The following FBXL4 variants were observed in gnomAD, a reference collection of about 807,000 sequenced individuals.
The protein encoded by FBXL4 is F-box/LRR-repeat protein 4.
Under a neutral mutation model 58.9 loss-of-function variants are expected in FBXL4, and 40 were observed. That is an observed-to-expected ratio of 0.68 (90% confidence interval 0.53 to 0.88). The LOEUF (loss-of-function observed/expected upper bound fraction) is 0.88, where lower values mean the gene tolerates loss of function less well. Ranked by LOEUF, FBXL4 falls within the 40% of genes least tolerant of loss-of-function variation. The pLI is 0.00. For synonymous variants in FBXL4, 263 were observed against 265.5 expected, an observed-to-expected ratio of 0.99 and a Z score of 0.09; for missense variants, 676 against 734.4, an observed-to-expected ratio of 0.92 and a Z score of 0.92.
intron 1 of FBXL4, among the ~76,000 whole-genome samples, chr6:98,938,264 T>C (rs112914138): frequency 2.6e-5 from 4 of 152,258 alleles, no homozygotes; most frequent in Admixed American, 6.5e-5. Context: ...TTCTCATCCA[T>C]AGAGTTCACA....
intron 1 of FBXL4, among the ~76,000 whole-genome samples, chr6:98,936,156 G>A (rs890713830): frequency 6.6e-6 from 1 of 152,150 alleles, no homozygotes; most frequent in Non-Finnish European, 1.5e-5. Flanking sequence ...AATTAAAATG[G>A]TGTAATACTG....
At chr6:98,945,711 A>G (rs1020538061) in intron 1 of FBXL4, among the ~76,000 whole-genome samples, 11 of 152,160 alleles carry the variant, frequency 7.2e-5, no homozygotes, top group African/African-American at 1.2e-4. Flanking sequence ...ACAGCCATTT[A>G]TCTCTTAGAT....
Position 98,913,117 on chromosome 6 carries a change from G to A in FBXL4, c.858+4257C>T, listed in dbSNP as rs1246964248. Among the ~76,000 whole-genome samples, 3 of 152,208 alleles carry A rather than the reference G, an allele frequency of 2.0e-5. No individual in the cohort carries two copies. The East Asian group carries it at 5.8e-4, about 29-fold the overall frequency. ...AATGGTAAAGGGATCAATTCAACAA[G>A]AAGAGCTAACTGTCCTAAATATATA... is the stretch of plus-strand genomic sequence containing the variant. On this transcript the variant is annotated intron_variant, in intron 5 of 9. Coordinates refer to ENST00000369244, the MANE Select transcript of FBXL4 (RefSeq NM_001278716.2).
At position 98,890,746 on chromosome 6, in the gene FBXL4, C is replaced by G. The variant is rs146669919; in HGVS notation, c.1317+8522G>C. Among the ~76,000 whole-genome samples the G allele has an allele frequency of 3.0e-3, 453 of 152,118 alleles. 1 individual carries two copies. Among genetic ancestry groups the G allele is most frequent in the African/African-American group, 0.01 (433 of 41,512 alleles). ...CCAGCCTGGCAAATATGGTGAAACC[C>G]TATCCCTACTAAAAGTATAAAAATC... is the stretch of plus-strand genomic sequence containing the variant. On this transcript the variant is annotated intron_variant, in intron 7 of 9. Transcript: ENST00000369244.
chr6:98,898,085 T>G (rs17058929), intron 7 of FBXL4, among the ~76,000 whole-genome samples: 3,165 of 152,018 alleles, frequency 0.021, 173 homozygotes, highest in East Asian at 0.19. Context: ...AACTTGATGA[T>G]ATGAAGGAAA....
At chr6:98,888,489 G>A (rs1771115600) in intron 7 of FBXL4, among the ~76,000 whole-genome samples, 1 of 152,198 alleles carries the variant, frequency 6.6e-6, no homozygotes, top group African/African-American at 2.4e-5. Flanking sequence ...TAGGTGTACT[G>A]TGAAAATGGC....
At chr6:98,906,744 C>T (rs770845083) in intron 5 of FBXL4, among the ~76,000 whole-genome samples, 7 of 152,114 alleles carry the variant, frequency 4.6e-5, no homozygotes, top group African/African-American at 7.2e-5. Context: ...GAGGAATCAC[C>T]ACACTGTCTT....
chr6:98,922,157 A>G (rs1329629161), intron 4 of FBXL4, among the ~76,000 whole-genome samples: 1 of 152,088 alleles, frequency 6.6e-6, no homozygotes, highest in Non-Finnish European at 1.5e-5. Context: ...CAAACGCTTG[A>G]CCTTGTTATC....
At chr6:98,913,194 A>G (rs529984840) in intron 5 of FBXL4, among the ~76,000 whole-genome samples, 26 of 152,254 alleles carry the variant, frequency 1.7e-4, no homozygotes, top group African/African-American at 5.5e-4. Context: ...TCAGTGACCT[A>G]AAAGAGACTT....
At chr6:98,908,700 G>C (rs1460455319) in intron 5 of FBXL4, among the ~76,000 whole-genome samples, 1 of 151,672 alleles carries the variant, frequency 6.6e-6, no homozygotes, top group East Asian at 1.9e-4. Context: ...AGGAAGAAAA[G>C]ATATAAAACT....
At chr6:98,928,811 T>C (rs926459935) in intron 2 of FBXL4, among the ~76,000 whole-genome samples, 2 of 152,242 alleles carry the variant, frequency 1.3e-5, no homozygotes, top group African/African-American at 2.4e-5. Flanking sequence ...GCTGGACCAA[T>C]CTCTTCTTGT....
chr6:98,935,765 T>C (rs1447885064), intron 1 of FBXL4, among the ~76,000 whole-genome samples: 1 of 129,654 alleles, frequency 7.7e-6, no homozygotes, highest in East Asian at 2.3e-4. Flanking sequence ...GTCCGCAGTC[T>C]GGCCTGGGCG....
rs190060110 is a variant in FBXL4, at chr6:98,877,836, T to G, written c.1390-2109A>C. Among the ~76,000 whole-genome samples the G allele has an allele frequency of 2.2e-3, 332 of 152,326 alleles. 2 individuals are homozygous for G. Among genetic ancestry groups the G allele is most frequent in the African/African-American group, 7.6e-3 (317 of 41,572 alleles). ...CATTATATAATAGTGGAATTTAAACTTTTTAAAGTCATTTTTAGAAGTAAA... is the reference window on the plus strand; with the variant it reads ...CATTATATAATAGTGGAATTTAAACGTTTTAAAGTCATTTTTAGAAGTAAA... On this transcript the variant is annotated intron_variant, in intron 8 of 9. Transcript: ENST00000369244.
intron 1 of FBXL4, among the ~76,000 whole-genome samples, chr6:98,937,045 C>T (rs1773246994): frequency 6.6e-6 from 1 of 152,204 alleles, no homozygotes; most frequent in Non-Finnish European, 1.5e-5. Flanking sequence ...AATAGTGGCT[C>T]ATGCCTGTAA....
intron 1 of FBXL4, among the ~76,000 whole-genome samples, chr6:98,942,468 A>G (rs1255907618): frequency 6.6e-6 from 1 of 152,052 alleles, no homozygotes. Flanking sequence ...GTTTAGCACT[A>G]TGCCCCTAGT....
At chr6:98,927,137 C>T (rs1053215273) in intron 3 of FBXL4, 77 bp from the exon 4 acceptor site, 36 of 654,534 alleles carry the variant, frequency 5.5e-5, no homozygotes, top group Admixed American at 1.2e-4. Flanking sequence ...AATGAACAGG[C>T]TCTACCCTCA....
At chr6:98,916,368 G>A (rs1038429357) in intron 5 of FBXL4, among the ~76,000 whole-genome samples, 2 of 152,104 alleles carry the variant, frequency 1.3e-5, no homozygotes, top group Admixed American at 1.3e-4. Flanking sequence ...ACATGCACAC[G>A]TATGTTTATT....
rs1292931957 is a variant in FBXL4 at position 98,875,401 on chromosome 6, T to C, written c.1702+14A>G. On this transcript the variant is annotated intron_variant, in intron 9 of 9. Coordinates refer to ENST00000369244, the MANE Select transcript of FBXL4 (RefSeq NM_001278716.2). ...AACAGACATTTAAAACAAATTTATA[T>C]ATTGTAACCTTACCTAATATGTCCA... 2 of 1,610,836 alleles carry C rather than the reference T, an allele frequency of 1.2e-6. No homozygotes were observed. Among genetic ancestry groups the C allele is most frequent in the Non-Finnish European group, 1.7e-6 (2 of 1,177,340 alleles).
chr6:98,917,535 C>A lies in FBXL4; in HGVS notation c.697G>T (p.Val233Leu). ...VVLHGVKDKP[V>L]LSLKTSLIDM... ...ATAAGTGAAGTCTTGAGAGAAAGCA[C>A]TGGCTTGTCCTTCACACCATGTAGC... is the stretch of plus-strand genomic sequence containing the variant. The change falls in exon 5 of 10, where the codon GTG (valine) becomes TTG (leucine). Residue 233 changes from valine (V) to leucine (L), a missense_variant. Physicochemically the swap from Val to Leu is conservative, Grantham distance 32 (BLOSUM62 1). Coordinates refer to ENST00000369244, the MANE Select transcript of FBXL4 (RefSeq NM_001278716.2). The A allele has an allele frequency of 6.2e-7, 1 of 1,614,032 alleles. No homozygotes were observed. Among genetic ancestry groups the A allele is most frequent in the Non-Finnish European group, 8.5e-7 (1 of 1,179,912 alleles).
Sources: allele counts gnomAD v4.1 joint callset (sites outside exome capture counted in the v4.1 genomes callset), GRCh38; gene constraint gnomAD v4.1.1; transcripts MANE v1.5; gene names NCBI Gene and HGNC (gene_info 2026-07-23, HGNC 2026-07-21).